The following PLCB1 variants were observed in gnomAD, a reference collection of about 807,000 sequenced individuals.
PLCB1 encodes phospholipase C beta 1.
Under a neutral mutation model 161.8 loss-of-function variants are expected in PLCB1, and 46 were observed. That is an observed-to-expected ratio of 0.28 (90% CI 0.22 to 0.36). The LOEUF is 0.36. Ranked by LOEUF, PLCB1 falls within the 10% of genes least tolerant of loss-of-function variation. PLCB1 has a pLI of 1.00. For synonymous variants in PLCB1, 517 were observed against 503.7 expected, an observed-to-expected ratio of 1.03 and a Z score of -0.35; for missense variants, 1,016 against 1,472.5, an observed-to-expected ratio of 0.69 and a Z score of 5.07.
At chr20:8,300,842 G>A (rs1428534702) in intron 2 of PLCB1, among the ~76,000 whole-genome samples, 3 of 152,144 alleles carry the variant, frequency 2.0e-5, no homozygotes, top group South Asian at 2.1e-4. Context: ...AATTCTCAAG[G>A]TGCAGATGAT....
chr20:8,628,712 A>T (rs1988434457), intron 4 of PLCB1: 2 of 283,898 alleles, frequency 7.0e-6, no homozygotes, highest in Admixed American at 4.3e-5. Flanking sequence ...AGGCGGACAG[A>T]TCACTTGAGG....
intron 3 of PLCB1, among the ~76,000 whole-genome samples, chr20:8,541,378 C>T (rs1369558840): frequency 6.6e-6 from 1 of 152,058 alleles, no homozygotes; most frequent in Non-Finnish European, 1.5e-5. Flanking sequence ...AAAAATACTT[C>T]GAGATAACTT....
chr20:8,159,518 G>T (rs991806147), intron 2 of PLCB1, among the ~76,000 whole-genome samples: 8 of 152,166 alleles, frequency 5.3e-5, no homozygotes, highest in Non-Finnish European at 1.2e-4. Context: ...TTGGCTTCTT[G>T]TTACTTATGC....
intron 2 of PLCB1, among the ~76,000 whole-genome samples, chr20:8,347,006 A>C (rs1442778334): frequency 1.6e-4 from 25 of 152,222 alleles, no homozygotes; most frequent in Admixed American, 1.6e-3. Context: ...GGAGTGGAGA[A>C]GAAATGACTG....
intron 10 of PLCB1, among the ~76,000 whole-genome samples, chr20:8,691,477 G>A (rs1209562811): frequency 2.0e-5 from 3 of 152,076 alleles, no homozygotes; most frequent in Admixed American, 1.3e-4. Context: ...AGCACCTACC[G>A]TAATGTGTTT....
At chr20:8,788,078 G>A (rs1983576117) in intron 27 of PLCB1, among the ~76,000 whole-genome samples, 1 of 152,194 alleles carries the variant, frequency 6.6e-6, no homozygotes, top group Non-Finnish European at 1.5e-5. Context: ...AGAAAATGTA[G>A]GTTCTGAAAA....
In PLCB1 at chr20:8,275,113, G is replaced by A. The variant is rs60690122; in HGVS notation, c.178-96269G>A. Among the ~76,000 whole-genome samples, 1,313 of 151,954 alleles carry A rather than the reference G, an allele frequency of 8.6e-3. 19 individuals carry two copies. Among genetic ancestry groups the A allele is most frequent in the African/African-American group, 0.03 (1,227 of 41,444 alleles). On this transcript the variant is annotated intron_variant, in intron 2 of 31. Transcript: ENST00000338037. ...TTGGTTTGAGAGCTGAATATTTCAC[G>A]TTCTTTCTGATTTTCTTGAGAAGGG...
Position 8,716,319 on chromosome 20 carries a change from C to A in PLCB1, c.1306C>A (p.Leu436Ile), listed in dbSNP as rs1399995258. 6.2e-7 allele frequency: 1 copy of A among 1,613,934 alleles called. No individual in the cohort carries two copies. The highest frequency in any genetic ancestry group is 1.1e-5 in the South Asian group (1 of 91,074). ...CTGCCGACTGATCTTTGGGGATGCC[C>A]TTCTCATGGAGCCCCTGGAAAAATA... ...EYCRLIFGDALLMEPLEKYPL... is the reference protein window; with the variant it reads ...EYCRLIFGDAILMEPLEKYPL... The change falls in exon 13 of 32, where the codon CTT becomes ATT. Residue 436 changes from leucine (L) to isoleucine (I), a missense_variant. Physicochemically the swap from Leu to Ile is conservative, Grantham distance 5. This residue lies in a region of PLCB1 where 56 missense variants were observed against 126.3 expected (regional missense o/e 0.44). Transcript: ENST00000338037.
chr20:8,741,338 G>T, intron 22 of PLCB1, 126 bp from the exon 23 acceptor site: 1 of 629,550 alleles, frequency 1.6e-6, no homozygotes, highest in East Asian at 2.9e-5. Flanking sequence ...TGGATGGATG[G>T]ATGGGTGGGT....
At chr20:8,349,073 C>T (rs1007816521) in intron 2 of PLCB1, among the ~76,000 whole-genome samples, 1 of 151,994 alleles carries the variant, frequency 6.6e-6, no homozygotes, top group Non-Finnish European at 1.5e-5. Flanking sequence ...TATACACACC[C>T]ATGTACTACA....
chr20:8,590,035 A>G (rs79811598), intron 3 of PLCB1, among the ~76,000 whole-genome samples: 7,585 of 152,230 alleles, frequency 0.05, 385 homozygotes, highest in African/African-American at 0.13. Flanking sequence ...TTAGAATTTC[A>G]AAATATGAAT....
At chr20:8,550,353 C>A (rs2122990238) in intron 3 of PLCB1, among the ~76,000 whole-genome samples, 1 of 152,256 alleles carries the variant, frequency 6.6e-6, no homozygotes, top group South Asian at 2.1e-4. Flanking sequence ...GTGTCAAGGA[C>A]AGGACCAGGT....
chr20:8,626,724 G>T lies in PLCB1; in HGVS notation c.247-1570G>T, dbSNP rs567838415. ...ATTACAAGTTTCAGGTGATTTCTGA[G>T]AATGCTTTTTCTCTTCTGAGTGTAC... On this transcript the variant is annotated intron_variant, in intron 3 of 31. Transcript: ENST00000338037. Among the ~76,000 whole-genome samples, 9 of 152,272 alleles carry T rather than the reference G, an allele frequency of 5.9e-5. 1 individual carries two copies. In the South Asian group the frequency reaches 1.9e-3, roughly 32 times the overall value.
chr20:8,501,352 C>T (rs1366145781), intron 3 of PLCB1, among the ~76,000 whole-genome samples: 3 of 152,244 alleles, frequency 2.0e-5, no homozygotes, highest in Non-Finnish European at 2.9e-5. Flanking sequence ...TCCCCAGGTG[C>T]CTAGCACAGT....
chr20:8,583,620 T>A (rs1235424562), intron 3 of PLCB1, among the ~76,000 whole-genome samples: 2 of 152,168 alleles, frequency 1.3e-5, no homozygotes, highest in African/African-American at 4.8e-5. Flanking sequence ...TCCCTTTGAT[T>A]CCTGAGCTTA....
chr20:8,719,567 A>G (rs1360050524), intron 14 of PLCB1, among the ~76,000 whole-genome samples: 1 of 152,224 alleles, frequency 6.6e-6, no homozygotes, highest in Middle Eastern at 3.2e-3. Flanking sequence ...TACATACTGT[A>G]TGATTTAACC....
intron 27 of PLCB1, among the ~76,000 whole-genome samples, chr20:8,787,678 G>A (rs1258108004): frequency 6.6e-6 from 1 of 152,214 alleles, no homozygotes; most frequent in Non-Finnish European, 1.5e-5. Context: ...TATGTAATTG[G>A]CAAACACTTA....
chr20:8,777,802 T>C (rs1389029840), intron 27 of PLCB1, among the ~76,000 whole-genome samples: 1 of 151,528 alleles, frequency 6.6e-6, no homozygotes, highest in Non-Finnish European at 1.5e-5. Flanking sequence ...GACTGGGCAA[T>C]ATGAAGGAGG....
chr20:8,688,901 T>C (rs933704275), intron 10 of PLCB1, among the ~76,000 whole-genome samples: 1 of 152,330 alleles, frequency 6.6e-6, no homozygotes, highest in South Asian at 2.1e-4. Flanking sequence ...GGTATTTTGA[T>C]GGAGATTGCA....
Sources: allele counts gnomAD v4.1 joint callset (sites outside exome capture counted in the v4.1 genomes callset), GRCh38; gene constraint gnomAD v4.1.1; regional missense constraint gnomAD v4.1.1; transcripts MANE v1.5; gene names NCBI Gene and HGNC (gene_info 2026-07-23, HGNC 2026-07-21).